The following MACROD2 variants were observed in gnomAD, a reference collection of about 807,000 sequenced individuals.
The protein encoded by MACROD2 is mono-ADP ribosylhydrolase 2, also known as ADP-ribose glycohydrolase MACROD2.
In MACROD2, 36 loss-of-function variants were observed where a neutral mutation model predicts 70.4. That is an observed-to-expected ratio of 0.51 (90% CI 0.39 to 0.68). The LOEUF (loss-of-function observed/expected upper bound fraction) is 0.68, where lower values mean the gene tolerates loss of function less well. Ranked by LOEUF, MACROD2 falls within the 30% of genes least tolerant of loss-of-function variation. MACROD2 has a pLI of 0.00. For synonymous variants in MACROD2, 172 were observed against 178.8 expected (o/e 0.96, Z 0.30); for missense variants, 496 against 538.4 (o/e 0.92, Z 0.78).
At chr20:16,021,017 T>A (rs2066994184) in intron 15 of MACROD2, among the ~76,000 whole-genome samples, 1 of 152,152 alleles carries the variant, frequency 6.6e-6, no homozygotes, top group South Asian at 2.1e-4. Context: ...GATCTCTCAG[T>A]AGCTTACTCA....
chr20:14,427,623 A>G (rs537834341), intron 3 of MACROD2, among the ~76,000 whole-genome samples: 2 of 152,076 alleles, frequency 1.3e-5, no homozygotes, highest in Non-Finnish European at 2.9e-5. Context: ...ACCATGACAC[A>G]TGCCAAATTG....
At chr20:14,770,851 C>T (rs58035449) in intron 5 of MACROD2, among the ~76,000 whole-genome samples, 8,534 of 151,964 alleles carry the variant, frequency 0.056, 318 homozygotes, top group African/African-American at 0.087. Context: ...AGCAGGCTGG[C>T]TCCAGTGCCA....
chr20:14,442,136 G>A (rs1037152812), intron 3 of MACROD2, among the ~76,000 whole-genome samples: 9 of 152,014 alleles, frequency 5.9e-5, no homozygotes, highest in African/African-American at 2.2e-4. Context: ...CAGGTGTGGT[G>A]GTGCTCACCT....
At chr20:15,250,057 C>T (rs55968100) in intron 6 of MACROD2, among the ~76,000 whole-genome samples, 49,581 of 152,036 alleles carry the variant, frequency 0.33, 8,934 homozygotes, top group African/African-American at 0.46. Context: ...CCTCTTGTGT[C>T]TCCTCTGCTG....
chr20:14,390,511 A>G (rs76399995), intron 3 of MACROD2, among the ~76,000 whole-genome samples: 1 of 152,240 alleles, frequency 6.6e-6, no homozygotes, highest in Non-Finnish European at 1.5e-5. Flanking sequence ...GGGCTACAGT[A>G]ACCAAAACAG....
intron 6 of MACROD2, among the ~76,000 whole-genome samples, chr20:15,243,094 A>G (rs1325978841): frequency 6.6e-6 from 1 of 152,192 alleles, no homozygotes; most frequent in East Asian, 1.9e-4. Flanking sequence ...GGCTGCACCC[A>G]GGAACGAATG....
chr20:15,387,926 T>TA (rs1465798393), intron 6 of MACROD2, among the ~76,000 whole-genome samples: 19 of 151,620 alleles, frequency 1.3e-4, no homozygotes, highest in Admixed American at 1.2e-3. Context: ...TTTATTTATT[T>TA]TTTTTGTAGA....
At chr20:14,141,608 A>G (rs1408202972) in intron 3 of MACROD2, among the ~76,000 whole-genome samples, 2 of 151,932 alleles carry the variant, frequency 1.3e-5, no homozygotes, top group Non-Finnish European at 2.9e-5. Flanking sequence ...AGCTGGGTGT[A>G]GTGGCACATG....
intron 5 of MACROD2, among the ~76,000 whole-genome samples, chr20:15,121,640 CATCT>C (rs1444284723): frequency 6.6e-6 from 1 of 152,092 alleles, no homozygotes; most frequent in African/African-American, 2.4e-5. Flanking sequence ...AGGTGTTTCG[CATCT>C]ATTATCTTTT....
intron 6 of MACROD2, among the ~76,000 whole-genome samples, chr20:15,399,574 A>C (rs952620706): frequency 1.3e-5 from 2 of 152,146 alleles, no homozygotes; most frequent in African/African-American, 4.8e-5. Context: ...ATCTCCTTTT[A>C]TTTGTGCCTG....
At chr20:15,931,747 C>A (rs893779873) in intron 10 of MACROD2, among the ~76,000 whole-genome samples, 1 of 151,952 alleles carries the variant, frequency 6.6e-6, no homozygotes, top group South Asian at 2.1e-4. Flanking sequence ...CTGCATTCTT[C>A]GCCAACCTCA....
intron 15 of MACROD2, among the ~76,000 whole-genome samples, chr20:16,032,917 G>C (rs2067174509): frequency 6.6e-6 from 1 of 152,026 alleles, no homozygotes; most frequent in African/African-American, 2.4e-5. Flanking sequence ...TATCTACTAA[G>C]AGGTAAAAAC....
At chr20:15,204,019 G>A (rs976368593) in intron 5 of MACROD2, among the ~76,000 whole-genome samples, 1 of 152,008 alleles carries the variant, frequency 6.6e-6, no homozygotes, top group Non-Finnish European at 1.5e-5. Flanking sequence ...TGGATTTAAT[G>A]TCTGTGTATC....
chr20:16,007,425 G>A (rs1568703957), intron 15 of MACROD2, among the ~76,000 whole-genome samples: 2 of 152,168 alleles, frequency 1.3e-5, no homozygotes, highest in Non-Finnish European at 2.9e-5. Context: ...AACATACAGT[G>A]AGGCAGAGGA....
chr20:15,867,778 C>T (rs550712464), intron 9 of MACROD2, among the ~76,000 whole-genome samples: 4 of 152,114 alleles, frequency 2.6e-5, no homozygotes, highest in South Asian at 2.1e-4. Flanking sequence ...AAAGAACATA[C>T]GGTTTATAAC....
At chr20:15,193,385 G>C (rs2076584394) in intron 5 of MACROD2, among the ~76,000 whole-genome samples, 1 of 152,128 alleles carries the variant, frequency 6.6e-6, no homozygotes, top group African/African-American at 2.4e-5. Flanking sequence ...ACAGTTGATA[G>C]AACTGGGAGA....
chr20:15,815,367 T>C (rs2063862131), intron 8 of MACROD2, among the ~76,000 whole-genome samples: 1 of 152,112 alleles, frequency 6.6e-6, no homozygotes, highest in Non-Finnish European at 1.5e-5. Context: ...AGGCTGAAAC[T>C]CTGTGGCATA....
At chr20:15,441,524 A>G (rs1423850899) in intron 7 of MACROD2, among the ~76,000 whole-genome samples, 2 of 152,144 alleles carry the variant, frequency 1.3e-5, no homozygotes, top group Non-Finnish European at 2.9e-5. Flanking sequence ...CAATTTTGGG[A>G]CTTAATTAAA....
At chr20:14,843,905 C>T (rs1014021084) in intron 5 of MACROD2, among the ~76,000 whole-genome samples, 1 of 151,972 alleles carries the variant, frequency 6.6e-6, no homozygotes, top group Non-Finnish European at 1.5e-5. Flanking sequence ...ATGCTTGCAA[C>T]CTGCCAAGTA....
Sources: allele counts gnomAD v4.1 joint callset (sites outside exome capture counted in the v4.1 genomes callset), GRCh38; gene constraint gnomAD v4.1.1; transcripts MANE v1.5; gene names NCBI Gene and HGNC (gene_info 2026-07-23, HGNC 2026-07-21).